The following UBAP2L variants were observed in gnomAD, a reference collection of about 807,000 sequenced individuals.
UBAP2L encodes the protein ubiquitin associated protein 2 like.
A neutral mutation model predicts 130.6 loss-of-function variants in UBAP2L; 12 were observed. The observed-to-expected ratio is 0.09, with a 90% CI of 0.06 to 0.15. The LOEUF is 0.15. Ranked by LOEUF, UBAP2L falls within the 10% of genes least tolerant of loss-of-function variation. The pLI is 1.00. For missense variants in UBAP2L, 965 were observed against 1,332.5 expected (o/e 0.72, Z 4.29); for synonymous variants, 503 against 524.7 (o/e 0.96, Z 0.57).
chr1:154,230,169 G>A (rs1240001359), intron 4 of UBAP2L, among the ~76,000 whole-genome samples: 2 of 152,110 alleles, frequency 1.3e-5, no homozygotes, highest in Non-Finnish European at 2.9e-5. Flanking sequence ...ACCATGCCTG[G>A]CTAATTTTTT....
chr1:154,244,861 T>G (rs1334809254), intron 10 of UBAP2L, among the ~76,000 whole-genome samples: 1 of 114,232 alleles, frequency 8.8e-6, no homozygotes, highest in Non-Finnish European at 1.9e-5. Flanking sequence ...TGATTGGACT[T>G]AATAGCCACC....
At chr1:154,223,218 A>T (rs1666868759) in intron 1 of UBAP2L, among the ~76,000 whole-genome samples, 1 of 152,228 alleles carries the variant, frequency 6.6e-6, no homozygotes, top group South Asian at 2.1e-4. Flanking sequence ...GGTTAATTAT[A>T]TCTTTCAAGA....
chr1:154,227,432 A>G (rs533203501), intron 3 of UBAP2L, 73 bp downstream of exon 3: 3 of 1,326,688 alleles, frequency 2.3e-6, no homozygotes, highest in Admixed American at 3.4e-5. Context: ...AATACTGTAG[A>G]TGGATGCCAG....
At chr1:154,250,961 A>T (rs1246874540) in intron 12 of UBAP2L, 80 bp from the exon 13 acceptor site, 2 of 1,438,286 alleles carry the variant, frequency 1.4e-6, no homozygotes, top group Non-Finnish European at 1.9e-6. Flanking sequence ...GTCCTCATTC[A>T]TGGTGCTAGT....
chr1:154,236,494 C>A, intron 6 of UBAP2L, 72 bp from the exon 7 acceptor site: 1 of 1,559,260 alleles, frequency 6.4e-7, no homozygotes, highest in Non-Finnish European at 8.8e-7. Flanking sequence ...GCCACTGTGC[C>A]TGCCTGGCAA....
chr1:154,238,303 A>G (rs1451864379), intron 8 of UBAP2L, among the ~76,000 whole-genome samples: 1 of 152,234 alleles, frequency 6.6e-6, no homozygotes, highest in Non-Finnish European at 1.5e-5. Context: ...ATGTCCTGTT[A>G]TAGTTTAACT....
At chr1:154,259,708 C>A (rs1274458675) in intron 21 of UBAP2L, 10 of 643,404 alleles carry the variant, frequency 1.6e-5, no homozygotes, top group Middle Eastern at 4.2e-4. Context: ...TCCTCGTGGA[C>A]TTTGATGTAT....
At chr1:154,251,866 ATGGC>A (rs1677710666) in intron 14 of UBAP2L, among the ~76,000 whole-genome samples, 1 of 152,126 alleles carries the variant, frequency 6.6e-6, no homozygotes, top group African/African-American at 2.4e-5. Flanking sequence ...GCTGGGTGTG[ATGGC>A]TGACACTTAT....
Position 154,270,191 on chromosome 1 carries a change from C to T in UBAP2L, c.3169-9C>T. 3 of 1,592,316 alleles carry T rather than the reference C, an allele frequency of 1.9e-6. No homozygotes were observed. Among genetic ancestry groups the T allele is most frequent in the Non-Finnish European group, 2.6e-6 (3 of 1,167,350 alleles). ...TTTTCCTCCTCATGATCCTCCCATTCCCCTGCAGACGGGCAGCGGGCAACG... is the reference window on the plus strand; with the variant it reads ...TTTTCCTCCTCATGATCCTCCCATTTCCCTGCAGACGGGCAGCGGGCAACG... On this transcript the variant is annotated splice_polypyrimidine_tract_variant and intron_variant, in intron 26 of 26. Coordinates refer to ENST00000428931, the MANE Select transcript of UBAP2L (RefSeq NM_014847.4).
At chr1:154,235,358 AT>A (rs370836882) in intron 6 of UBAP2L, 67 bp downstream of exon 6, 77,560 of 471,716 alleles carry the variant, frequency 0.16, no homozygotes, top group South Asian at 0.22. Flanking sequence ...GGTCTGCTTT[AT>A]TTTTTTTTTT....
intron 13 of UBAP2L, 71 bp from the exon 14 acceptor site, chr1:154,251,410 G>T: frequency 6.3e-7 from 1 of 1,575,510 alleles, no homozygotes; most frequent in Non-Finnish European, 8.6e-7. Context: ...AATTTAAAGG[G>T]AAGGGTTTTT....
chr1:154,229,862 G>GTT (rs199852471), intron 4 of UBAP2L, among the ~76,000 whole-genome samples: 4 of 151,956 alleles, frequency 2.6e-5, no homozygotes, highest in Admixed American at 1.3e-4. Context: ...ATAACAACTT[G>GTT]TTTTTTTTCT....
rs980813034 is a variant in UBAP2L, at chr1:154,242,338, T to C, written c.756+773T>C. On this transcript the variant is annotated intron_variant, in intron 9 of 26. Transcript: ENST00000428931. ...GCTTTTGTGATAAGAGGAAATGACA[T>C]GTGAAGACTGTTTTGGTTGCCAATT... is the stretch of plus-strand genomic sequence containing the variant. Among the ~76,000 whole-genome samples, 7 of 152,264 alleles carry C rather than the reference T, an allele frequency of 4.6e-5. No individual in the cohort carries two copies. In the East Asian group the frequency reaches 9.6e-4, roughly 21 times the overall value.
chr1:154,251,744 G>A (rs1571858757), intron 14 of UBAP2L, 91 bp downstream of exon 14: 1 of 1,468,980 alleles, frequency 6.8e-7, no homozygotes, highest in Non-Finnish European at 9.3e-7. Context: ...GAGAGGCCAA[G>A]CCCCTCTGCA....
At chr1:154,220,184 C>G (rs1472930055), upstream of UBAP2L, 11 of 963,090 alleles carry the variant, frequency 1.1e-5, no homozygotes, top group Non-Finnish European at 1.8e-5. Flanking sequence ...GTCGGCCCGA[C>G]TAAGTGACTT....
At chr1:154,250,482 G>T (rs2633434) in intron 12 of UBAP2L, among the ~76,000 whole-genome samples, 1 of 152,032 alleles carries the variant, frequency 6.6e-6, no homozygotes, top group Non-Finnish European at 1.5e-5. Flanking sequence ...GAGAACTTGC[G>T]GTACTTTAAA....
intron 8 of UBAP2L, among the ~76,000 whole-genome samples, chr1:154,237,738 C>T (rs1001673934): frequency 1.3e-5 from 2 of 152,154 alleles, no homozygotes; most frequent in Admixed American, 6.5e-5. Context: ...CCCTGTTGAA[C>T]AGCCTTCTTG....
At chr1:154,245,069 TAG>T in intron 10 of UBAP2L, among the ~76,000 whole-genome samples, 1 of 152,138 alleles carries the variant, frequency 6.6e-6, no homozygotes, top group South Asian at 2.1e-4. Context: ...GTAGCTGGTA[TAG>T]TAGGCACCCG....
rs1049494154 is a variant in UBAP2L at position 154,270,555 on chromosome 1, T to C, written c.*260T>C. ...CCTCTTGCATTCAAGATTATGAAAC[T>C]TTGCTATGGGCCCTGCACTTCCTTT... On this transcript the variant is annotated 3_prime_UTR_variant, in exon 27 of 27. Coordinates refer to ENST00000428931, the MANE Select transcript of UBAP2L (RefSeq NM_014847.4). 17 of 1,429,658 alleles carry C rather than the reference T, an allele frequency of 1.2e-5. No individual in the cohort carries two copies. Among genetic ancestry groups the C allele is most frequent in the Non-Finnish European group, 1.5e-5 (16 of 1,095,676 alleles). The allele number at this position is 1,429,658 out of a possible 1,614,324, so 88.6% of individuals were successfully genotyped here. A position where few individuals can be genotyped will look rare whatever the true frequency, so the allele number is the denominator to read the frequency against.
Sources: gnomAD v4.1 joint callset for allele counts (sites outside exome capture counted in the v4.1 genomes callset) on GRCh38, gnomAD v4.1.1 for gene constraint, MANE v1.5 for transcripts, NCBI Gene and HGNC (gene_info 2026-07-23, HGNC 2026-07-21) for gene names.